The following MGMT variants were observed in gnomAD, a reference collection of about 807,000 sequenced individuals.
MGMT encodes methylated-DNA--protein-cysteine methyltransferase.
Under a neutral mutation model 15.9 loss-of-function variants are expected in MGMT, and 14 were observed. The observed-to-expected ratio is 0.88, with a 90% CI of 0.58 to 1.37. MGMT has a LOEUF of 1.37. Ranked by LOEUF, MGMT falls within the 40% of genes most tolerant of loss-of-function variation. The probability of loss-of-function intolerance (pLI) is 0.00; values close to 1 mark genes in which losing one functional copy is unlikely to be tolerated. For missense variants in MGMT, 282 were observed against 268.1 expected, an observed-to-expected ratio of 1.05 and a Z score of -0.36; for synonymous variants, 130 against 118.2, an observed-to-expected ratio of 1.10 and a Z score of -0.65.
chr10:129,663,077 T>C (rs1048257630), intron 2 of MGMT, among the ~76,000 whole-genome samples: 3 of 152,180 alleles, frequency 2.0e-5, no homozygotes, highest in African/African-American at 7.2e-5. Flanking sequence ...ATGCATTCGC[T>C]GAGTAGAAAA....
intron 2 of MGMT, among the ~76,000 whole-genome samples, chr10:129,561,878 TTTG>T (rs1846283180): frequency 6.6e-6 from 1 of 152,212 alleles, no homozygotes; most frequent in African/African-American, 2.4e-5. Context: ...TTGTAAATGA[TTTG>T]TTGTTAAAGT....
At chr10:129,513,034 G>A (rs760825561) in intron 1 of MGMT, among the ~76,000 whole-genome samples, 1 of 152,218 alleles carries the variant, frequency 6.6e-6, no homozygotes, top group Non-Finnish European at 1.5e-5. Context: ...TACATTAAAT[G>A]TGGCCTATCC....
chr10:129,641,080 CTT>C (rs893218828), intron 2 of MGMT, among the ~76,000 whole-genome samples: 9 of 152,272 alleles, frequency 5.9e-5, no homozygotes, highest in African/African-American at 2.2e-4. Context: ...AGAAATAAAA[CTT>C]TATTTATAGA....
At chr10:129,761,139 G>A (rs1442902111) in intron 4 of MGMT, among the ~76,000 whole-genome samples, 2 of 152,208 alleles carry the variant, frequency 1.3e-5, no homozygotes, top group Non-Finnish European at 2.9e-5. Flanking sequence ...CTGTTGTGTT[G>A]TGGCTCCGTG....
chr10:129,672,612 A>T (rs1847737298), intron 2 of MGMT, among the ~76,000 whole-genome samples: 1 of 152,142 alleles, frequency 6.6e-6, no homozygotes, highest in Admixed American at 6.5e-5. Context: ...TACTGTGCCT[A>T]ATTTGGTTTT....
chr10:129,673,224 C>T (rs889966187), intron 2 of MGMT, among the ~76,000 whole-genome samples: 9 of 152,182 alleles, frequency 5.9e-5, no homozygotes, highest in Admixed American at 1.3e-4. Context: ...CCAAAATTGT[C>T]GCTGTCTGCT....
intron 1 of MGMT, among the ~76,000 whole-genome samples, chr10:129,480,902 C>A (rs1845350676): frequency 6.6e-6 from 1 of 152,216 alleles, no homozygotes; most frequent in Non-Finnish European, 1.5e-5. Flanking sequence ...TTGGTAAGTT[C>A]ATCAGCAGTC....
At chr10:129,743,143 T>C (rs1848657424) in intron 3 of MGMT, among the ~76,000 whole-genome samples, 1 of 152,138 alleles carries the variant, frequency 6.6e-6, no homozygotes, top group Admixed American at 6.5e-5. Context: ...TACTGATCTA[T>C]CTGGAATACC....
At position 129,566,872 on chromosome 10, in the gene MGMT, C is replaced by T. The variant is rs1299079396; in HGVS notation, c.125+30495C>T. Among the ~76,000 whole-genome samples, 2 of 152,054 alleles carry T rather than the reference C, an allele frequency of 1.3e-5. No homozygotes were observed. The highest frequency in any genetic ancestry group is 4.8e-5 in the African/African-American group (2 of 41,420). On this transcript the variant is annotated intron_variant, in intron 2 of 4. Transcript: ENST00000651593. This position sits in a 1 kb window ranked among gnomAD's most constrained non-coding sequence, Gnocchi z 4.1. The stretch of plus-strand genomic sequence containing the variant: ...CGAACAGAGGCTCTAAGAGAGGGGT[C>T]TTTGTTTTGGGGCAGTGAGACTGAG...
chr10:129,489,449 T>A (rs1564832521), intron 1 of MGMT, among the ~76,000 whole-genome samples: 1 of 152,084 alleles, frequency 6.6e-6, no homozygotes, highest in African/African-American at 2.4e-5. Context: ...CTTGATTCTT[T>A]TGGGGCCTTT....
At chr10:129,502,392 G>A (rs1382183816) in intron 1 of MGMT, among the ~76,000 whole-genome samples, 2 of 152,018 alleles carry the variant, frequency 1.3e-5, no homozygotes, top group South Asian at 2.1e-4. Context: ...AATACGTTGC[G>A]TTCCTACCCA....
At chr10:129,604,899 G>C (rs1369604141) in intron 2 of MGMT, among the ~76,000 whole-genome samples, 2 of 152,232 alleles carry the variant, frequency 1.3e-5, no homozygotes, top group East Asian at 3.8e-4. Context: ...AGATAGCAGA[G>C]GGGTCAAGAG....
intron 2 of MGMT, among the ~76,000 whole-genome samples, chr10:129,588,838 C>T (rs992769248): frequency 6.6e-6 from 1 of 152,246 alleles, no homozygotes; most frequent in Non-Finnish European, 1.5e-5. Flanking sequence ...ACACTTACCA[C>T]GTTGAATATT....
chr10:129,722,739 C>T lies in MGMT; in HGVS notation c.274+14696C>T, dbSNP rs1589958532. On this transcript the variant is annotated intron_variant, in intron 3 of 4. Transcript: ENST00000651593. ...AAGTCTTGTTGGCCAGGCATGGTGG[C>T]TTACGCCTGTAACCCCAGCACTTTG... Among the ~76,000 whole-genome samples the T allele has an allele frequency of 3.3e-5, 5 of 152,240 alleles. No homozygotes were observed. In the East Asian group the frequency reaches 7.7e-4, roughly 24 times the overall value.
At chr10:129,734,374 T>A (rs1848536485) in intron 3 of MGMT, among the ~76,000 whole-genome samples, 1 of 145,394 alleles carries the variant, frequency 6.9e-6, no homozygotes, top group African/African-American at 2.5e-5. Flanking sequence ...CTGTTATTGG[T>A]GTATAAGAAT....
intron 2 of MGMT, among the ~76,000 whole-genome samples, chr10:129,609,692 T>G (rs1039784070): frequency 1.3e-4 from 20 of 152,168 alleles, no homozygotes; most frequent in Non-Finnish European, 2.9e-5. Flanking sequence ...ACCTGGTGCT[T>G]CTTTGCTCAG....
intron 2 of MGMT, among the ~76,000 whole-genome samples, chr10:129,670,570 C>G (rs1847710132): frequency 6.6e-6 from 1 of 151,894 alleles, no homozygotes; most frequent in South Asian, 2.1e-4. Flanking sequence ...ATCAAAGAAA[C>G]CAATAGCTTA....
At chr10:129,603,842 A>G (rs79789718) in intron 2 of MGMT, among the ~76,000 whole-genome samples, 1 of 152,314 alleles carries the variant, frequency 6.6e-6, no homozygotes, top group Non-Finnish European at 1.5e-5. Flanking sequence ...GTAATTTGAA[A>G]GTAAGATTAC....
At chr10:129,497,157 T>A (rs991886590) in intron 1 of MGMT, among the ~76,000 whole-genome samples, 2 of 152,332 alleles carry the variant, frequency 1.3e-5, no homozygotes, top group East Asian at 3.9e-4. Context: ...TAATTTATGA[T>A]CTATTTAACC....
Sources: gnomAD v4.1 joint callset for allele counts (sites outside exome capture counted in the v4.1 genomes callset) on GRCh38, gnomAD v4.1.1 for gene constraint, Gnocchi (gnomAD v3.1) non-coding constraint, MANE v1.5 for transcripts, NCBI Gene and HGNC (gene_info 2026-07-23, HGNC 2026-07-21) for gene names.